The following CASP14 variants were observed in gnomAD, a reference collection of about 807,000 sequenced individuals.
CASP14 encodes caspase 14.
CASP14 carries 27 observed loss-of-function variants against 28.4 expected under a neutral mutation model. The observed-to-expected ratio is 0.95, with a 90% CI of 0.70 to 1.31. The LOEUF (loss-of-function observed/expected upper bound fraction) is 1.31, where lower values mean the gene tolerates loss of function less well. Among genes scored for constraint, CASP14 ranks in the 50% most tolerant of loss-of-function variants. The pLI is 0.00. For synonymous variants in CASP14, 115 were observed against 118.6 expected (o/e 0.97, Z 0.20); for missense variants, 323 against 312.8 (o/e 1.03, Z -0.25).
At position 15,052,247 on chromosome 19, in the gene CASP14, G is replaced by A. The variant is rs1258690728; in HGVS notation, c.-5G>A. 6.3e-7 allele frequency: 1 copy of A among 1,590,196 alleles called. No homozygotes were observed. The highest frequency in any genetic ancestry group is 8.6e-7 in the Non-Finnish European group (1 of 1,169,458). On this transcript the variant is annotated 5_prime_UTR_variant, in exon 2 of 7. Coordinates refer to ENST00000427043, the MANE Select transcript of CASP14 (RefSeq NM_012114.3). ...TGAGAGCCGGGACTCACAACCAAAG[G>A]AGAAATGAGCAATCCGCGGTCTTTG... is the stretch of plus-strand genomic sequence containing the variant.
At chr19:15,050,321 T>TGTGTGAGA (rs201170850) in intron 1 of CASP14, among the ~76,000 whole-genome samples, 4 of 149,196 alleles carry the variant, frequency 2.7e-5, no homozygotes, top group African/African-American at 9.8e-5. Flanking sequence ...TGTGTGTGTG[T>TGTGTGAGA]GAGAGAGAGA....
At position 15,057,697 on chromosome 19, in the gene CASP14, TG is replaced by T. The variant is rs986604113; in HGVS notation, c.*1611del. The T allele has an allele frequency of 1.5e-4, 23 of 152,684 alleles. No homozygotes were observed. Among genetic ancestry groups the T allele is most frequent in the African/African-American group, 5.5e-4 (23 of 41,524 alleles). The allele number at this position is 152,684 out of a possible 1,614,324, so 9.5% of individuals were successfully genotyped here. On this transcript the variant is annotated 3_prime_UTR_variant, in exon 7 of 7. Transcript: ENST00000427043. ...GAGGCCAGGAGTTAAGAGACCAGCCTGGGCAACACAGCAAGACCCTGTCTCT... is the reference window on the plus strand; with the variant it reads ...GAGGCCAGGAGTTAAGAGACCAGCCTGGCAACACAGCAAGACCCTGTCTCT...
Position 15,055,179 on chromosome 19 carries a change from C to G in CASP14, c.425C>G (p.Thr142Arg), listed in dbSNP as rs2046110325. 1 of 1,614,052 alleles carries G rather than the reference C, an allele frequency of 6.2e-7. No individual in the cohort carries two copies. Among genetic ancestry groups the G allele is most frequent in the Non-Finnish European group, 8.5e-7 (1 of 1,179,962 alleles). Residue 142 changes from threonine to arginine, a missense_variant, in exon 5 of 7, where the codon ACA becomes AGA. Physicochemically the swap from Thr to Arg is moderately conservative, Grantham distance 71. Transcript: ENST00000427043. ...TCAGAACAAAGGGACCCCGGTGAAA[C>G]AGTAGGTGGAGATGAGATTGTGATG... Reference protein sequence around the residue: ...CRGEQRDPGETVGGDEIVMVI... With the variant: ...CRGEQRDPGERVGGDEIVMVI...
intron 4 of CASP14, 137 bp downstream of exon 4, chr19:15,054,095 C>T: frequency 1.4e-6 from 1 of 702,554 alleles, no homozygotes; most frequent in Non-Finnish European, 2.3e-6. Context: ...AGCCGTCCTC[C>T]TGCCTCAGCC....
rs779781971 is a variant in CASP14, at chr19:15,053,702, C to T, written c.178-31C>T. ...GTTGGAAGTGTAGGCTATGGGGACC[C>T]AGCTGAGTCTGGTTCTTCCTCTCAC... is the stretch of plus-strand genomic sequence containing the variant. On this transcript the variant is annotated intron_variant, in intron 3 of 6. Coordinates refer to ENST00000427043, the MANE Select transcript of CASP14 (RefSeq NM_012114.3). The T allele has an allele frequency of 5.0e-6, 8 of 1,612,776 alleles. No individual in the cohort carries two copies. The African/African-American group carries it at 8.0e-5, about 16-fold the overall frequency.
In CASP14 at chr19:15,056,132, T is replaced by G; in HGVS notation, c.*43T>G. On this transcript the variant is annotated 3_prime_UTR_variant, in exon 7 of 7. Transcript: ENST00000427043. The stretch of plus-strand genomic sequence containing the variant: ...GGAGCTTTCCTTCCAGCATTCTTTC[T>G]GTCTCACAGAAATTTAGAGGCAGCT... 2.7e-6 allele frequency: 4 copies of G among 1,474,412 alleles called. No homozygotes were observed. Among genetic ancestry groups the G allele is most frequent in the Non-Finnish European group, 2.8e-6 (3 of 1,076,720 alleles). The allele number at this position is 1,474,412 out of a possible 1,614,324, so 91.3% of individuals were successfully genotyped here.
chr19:15,053,579 T>G lies in CASP14; in HGVS notation c.125T>G (p.Met42Arg). The G allele has an allele frequency of 1.9e-6, 3 of 1,614,012 alleles. No homozygotes were observed. The highest frequency in any genetic ancestry group is 2.5e-6 in the Non-Finnish European group (3 of 1,179,962). Residue 42 changes from methionine to arginine, a missense_variant, in exon 3 of 7, where the codon ATG becomes AGG. Coordinates refer to ENST00000427043, the MANE Select transcript of CASP14 (RefSeq NM_012114.3). ...GAAGACCTGGATGCTCTGGAACACATGTTTCGGCAGCTGAGATTCGAAAGC... is the reference window on the plus strand; with the variant it reads ...GAAGACCTGGATGCTCTGGAACACAGGTTTCGGCAGCTGAGATTCGAAAGC... ...SEEDLDALEH[M>R]FRQLRFESTM... is the part of the protein sequence containing the mutation.
At chr19:15,051,456 G>A (rs1256511006) in intron 1 of CASP14, among the ~76,000 whole-genome samples, 1 of 134,050 alleles carries the variant, frequency 7.5e-6, no homozygotes, top group East Asian at 2.3e-4. Context: ...CCGAGATCAT[G>A]CCACTGCACC....
chr19:15,050,587 T>C (rs1176592878), intron 1 of CASP14, among the ~76,000 whole-genome samples: 1 of 150,512 alleles, frequency 6.6e-6, no homozygotes, highest in Admixed American at 6.6e-5. Flanking sequence ...GATGAAGGAA[T>C]GGATAGAAGG....
At chr19:15,050,518 G>A (rs1171849899) in intron 1 of CASP14, among the ~76,000 whole-genome samples, 5 of 142,754 alleles carry the variant, frequency 3.5e-5, no homozygotes, top group African/African-American at 1.3e-4. Flanking sequence ...GGATGGATGG[G>A]TGGGTGGGTA....
Position 15,053,932 on chromosome 19 carries a change from T to C in CASP14, c.377T>C (p.Val126Ala). 1.2e-6 allele frequency: 2 copies of C among 1,613,870 alleles called. No homozygotes were observed. The highest frequency in any genetic ancestry group is 1.7e-6 in the Non-Finnish European group (2 of 1,179,980). ...CAGGCCCTGCGAGCTAAGCCCAAGG[T>C]GTACATCATACAGGCCTGTCGAGGA... ...NCQALRAKPK[V>A]YIIQACRGEQ... The change falls in exon 4 of 7, where the codon GTG becomes GCG. Residue 126 changes from valine (V) to alanine (A), a missense_variant. Physicochemically the swap from Val to Ala is moderately conservative, Grantham distance 64 (BLOSUM62 0). Coordinates refer to ENST00000427043, the MANE Select transcript of CASP14 (RefSeq NM_012114.3).
rs1430501893 is a variant in CASP14 at position 15,055,509 on chromosome 19, A to C, written c.600A>C (p.Gly200=). The change falls in exon 6 of 7, where the codon GGA becomes GGC. Residue 200 remains glycine (G), a synonymous_variant. Coordinates refer to ENST00000427043, the MANE Select transcript of CASP14 (RefSeq NM_012114.3). ...TGGATGTGTTCACGAAGAGGAAAGG[A>C]CATATCTTGGAACTTCTGACAGAGG... ...TLVDVFTKRK[G]HILELLTEVT... The C allele has an allele frequency of 6.2e-7, 1 of 1,613,908 alleles. No homozygotes were observed. Among genetic ancestry groups the C allele is most frequent in the Non-Finnish European group, 8.5e-7 (1 of 1,179,900 alleles).
Position 15,053,887 on chromosome 19 carries a change from C to G in CASP14, c.332C>G (p.Ala111Gly). Residue 111 changes from alanine (A) to glycine (G), a missense_variant, in exon 4 of 7, where the codon GCC becomes GGC. Transcript: ENST00000427043. ...GTCAAGCTGGAGAATCTCTTCGAGG[C>G]CCTGAACAACAAGAACTGCCAGGCC... The part of the protein sequence containing the change: ...EMVKLENLFE[A>G]LNNKNCQALR... 4 of 1,614,124 alleles carry G rather than the reference C, an allele frequency of 2.5e-6. No homozygotes were observed. Among genetic ancestry groups the G allele is most frequent in the Non-Finnish European group, 3.4e-6 (4 of 1,180,020 alleles).
In CASP14 at chr19:15,053,541, G is replaced by A. The variant is rs112772421; in HGVS notation, c.87G>A (p.Arg29=). The A allele has an allele frequency of 5.8e-4, 939 of 1,614,146 alleles. 5 individuals are homozygous for A. The African/African-American group carries it at 0.011, about 19-fold the overall frequency. The change falls in exon 3 of 7, where the codon CGG becomes CGA. Residue 29 remains arginine, a synonymous_variant. Coordinates refer to ENST00000427043, the MANE Select transcript of CASP14 (RefSeq NM_012114.3). ...LALILCVTKA[R]EGSEEDLDAL... ...TAATACTGTGTGTCACCAAAGCCCG[G>A]GAAGGTTCCGAAGAAGACCTGGATG...
chr19:15,050,978 A>C (rs2046088114), intron 1 of CASP14, among the ~76,000 whole-genome samples: 1 of 151,928 alleles, frequency 6.6e-6, no homozygotes, highest in African/African-American at 2.4e-5. Flanking sequence ...GGGATGACTG[A>C]TTAATAGATA....
chr19:15,050,405 G>A (rs2046084657), intron 1 of CASP14, among the ~76,000 whole-genome samples: 1 of 151,768 alleles, frequency 6.6e-6, no homozygotes, highest in Non-Finnish European at 1.5e-5. Flanking sequence ...CAGGGAGCAT[G>A]TCTGTCTTAC....
intron 2 of CASP14, 76 bp from the exon 3 acceptor site, chr19:15,053,406 C>G (rs1290434959): frequency 3.2e-6 from 5 of 1,573,198 alleles, no homozygotes; most frequent in African/African-American, 2.7e-5. Context: ...CCACACCCAG[C>G]CTGCATGCCT....
In CASP14 at chr19:15,053,944, A is replaced by C. The variant is rs138947421; in HGVS notation, c.389A>C (p.Gln130Pro). ...GCTAAGCCCAAGGTGTACATCATAC[A>C]GGCCTGTCGAGGAGGTGGGGACAGA... Reference protein sequence around the residue: ...LRAKPKVYIIQACRGEQRDPG... With the variant: ...LRAKPKVYIIPACRGEQRDPG... Residue 130 changes from glutamine to proline, a missense_variant, in exon 4 of 7, where the codon CAG (glutamine) becomes CCG (proline). Coordinates refer to ENST00000427043, the MANE Select transcript of CASP14 (RefSeq NM_012114.3). 2 of 1,613,378 alleles carry C rather than the reference A, an allele frequency of 1.2e-6. No homozygotes were observed. The highest frequency in any genetic ancestry group is 2.7e-5 in the African/African-American group (2 of 74,914).
intron 2 of CASP14, 99 bp from the exon 3 acceptor site, chr19:15,053,383 C>G: frequency 2.0e-6 from 3 of 1,472,876 alleles, no homozygotes; most frequent in Non-Finnish European, 2.8e-6. Flanking sequence ...GCTGGGATCA[C>G]AGGCATGAGC....
Sources: allele counts gnomAD v4.1 joint callset (sites outside exome capture counted in the v4.1 genomes callset), GRCh38; gene constraint gnomAD v4.1.1; transcripts MANE v1.5; gene names NCBI Gene and HGNC (gene_info 2026-07-23, HGNC 2026-07-21).